The following DENND6A variants were observed in gnomAD, a reference collection of about 807,000 sequenced individuals.
DENND6A encodes the protein protein DENND6A.
DENND6A carries 43 observed loss-of-function variants against 95.5 expected under a neutral mutation model. The ratio of observed to expected loss-of-function variants is 0.45; its 90% CI spans 0.35 to 0.58. The LOEUF is 0.58. Ranked by LOEUF, DENND6A falls within the 20% of genes least tolerant of loss-of-function variation. The probability of loss-of-function intolerance (pLI) is 0.00; values close to 1 mark genes in which losing one functional copy is unlikely to be tolerated. For missense variants in DENND6A, 574 were observed against 736.0 expected (o/e 0.78, Z 2.55); for synonymous variants, 257 against 260.4 (o/e 0.99, Z 0.13).
Position 57,643,953 on chromosome 3 carries a change from A to C in DENND6A, c.1037+1708T>G, listed in dbSNP as rs146894871. 4.5e-3 allele frequency among the ~76,000 whole-genome samples: 683 copies of C among 151,942 alleles called. 7 individuals are homozygous for C. The highest frequency in any genetic ancestry group is 8.3e-3 in the Admixed American group (126 of 15,244). The stretch of plus-strand genomic sequence containing the variant: ...ATCACGAGGTCAGGAGTTCAAGACC[A>C]GTCTGGCCAATATAGTGAAACCCTG... On this transcript the variant is annotated intron_variant, in intron 11 of 19. Coordinates refer to ENST00000311128, the MANE Select transcript of DENND6A (RefSeq NM_152678.3).
At chr3:57,690,683 T>TA (rs2077255884) in intron 1 of DENND6A, among the ~76,000 whole-genome samples, 2 of 125,906 alleles carry the variant, frequency 1.6e-5, no homozygotes. Flanking sequence ...GACTCTGTCT[T>TA]TAAAAAAAAA....
At chr3:57,686,177 T>G (rs2077210237) in intron 1 of DENND6A, among the ~76,000 whole-genome samples, 1 of 152,190 alleles carries the variant, frequency 6.6e-6, no homozygotes, top group Admixed American at 6.5e-5. Context: ...TCAATAAGCA[T>G]TAACAGATAT....
chr3:57,638,444 G>A (rs1029885357), intron 12 of DENND6A, among the ~76,000 whole-genome samples: 1 of 151,744 alleles, frequency 6.6e-6, no homozygotes. Context: ...GATCACCTGA[G>A]GTCAGGAGTT....
chr3:57,667,803 C>T (rs556959263), intron 3 of DENND6A, among the ~76,000 whole-genome samples: 12 of 152,292 alleles, frequency 7.9e-5, no homozygotes, highest in African/African-American at 2.6e-4. Context: ...CAGTGGCTCA[C>T]GCCCGTAATC....
chr3:57,692,726 T>A, intron 1 of DENND6A, 56 bp downstream of exon 1: 6 of 1,374,336 alleles, frequency 4.4e-6, no homozygotes, highest in South Asian at 3.3e-5. Context: ...CTGGCTTTGC[T>A]GCAGCCGCCC....
chr3:57,685,011 T>C (rs982931620), intron 1 of DENND6A, among the ~76,000 whole-genome samples: 9 of 152,126 alleles, frequency 5.9e-5, no homozygotes, highest in African/African-American at 1.7e-4. Flanking sequence ...CCTCCCTGGT[T>C]CAAGTGATCC....
intron 11 of DENND6A, 70 bp downstream of exon 11, chr3:57,645,591 A>C: frequency 4.2e-6 from 5 of 1,181,070 alleles, no homozygotes; most frequent in Non-Finnish European, 6.0e-6. Context: ...AGCTTTTATT[A>C]CCAAAAATAA....
intron 3 of DENND6A, among the ~76,000 whole-genome samples, chr3:57,671,174 A>AT (rs1211846014): frequency 6.6e-6 from 1 of 152,182 alleles, no homozygotes; most frequent in Non-Finnish European, 1.5e-5. Context: ...GCTAAAAAAA[A>AT]TTTTGTTTAA....
rs1211247175 is a variant in DENND6A, at chr3:57,692,931, G to C, written c.88C>G (p.Pro30Ala). 1.9e-6 allele frequency: 3 copies of C among 1,561,578 alleles called. No homozygotes were observed. The highest frequency in any genetic ancestry group is 1.4e-5 in the African/African-American group (1 of 71,206). Residue 30 changes from proline (P) to alanine (A), a missense_variant, in exon 1 of 20, where the codon CCG (proline) becomes GCG (alanine). By Grantham distance (27) the Pro-to-Ala change is conservative. This residue lies in a region of DENND6A where 122 missense variants were observed against 105.1 expected (regional missense o/e 1.16). Coordinates refer to ENST00000311128, the MANE Select transcript of DENND6A (RefSeq NM_152678.3). ...GCGCCTCCCGCCGCCACAAGGGCCGGCGCCTCGCGGCCCTCGGCCCCTGCC... is the reference window on the plus strand; with the variant it reads ...GCGCCTCCCGCCGCCACAAGGGCCGCCGCCTCGCGGCCCTCGGCCCCTGCC... ...AVAGAEGREA[P>A]ALVAAGGAPE...
At position 57,692,929 on chromosome 3, in the gene DENND6A, C is replaced by T. The variant is rs1348886046; in HGVS notation, c.90G>A (p.Pro30=). 1.9e-6 allele frequency: 3 copies of T among 1,561,344 alleles called. No homozygotes were observed. Among genetic ancestry groups the T allele is most frequent in the Non-Finnish European group, 2.6e-6 (3 of 1,160,182 alleles). ...AVAGAEGREA[P]ALVAAGGAPE... Reference sequence around the variant, plus strand: ...GCGCGCCTCCCGCCGCCACAAGGGCCGGCGCCTCGCGGCCCTCGGCCCCTG... The same window carrying T: ...GCGCGCCTCCCGCCGCCACAAGGGCTGGCGCCTCGCGGCCCTCGGCCCCTG... Residue 30 remains proline, a synonymous_variant, in exon 1 of 20, where the codon CCG becomes CCA. Coordinates refer to ENST00000311128, the MANE Select transcript of DENND6A (RefSeq NM_152678.3).
chr3:57,627,843 C>T lies in DENND6A; in HGVS notation c.*371G>A, dbSNP rs2070566234. 1 of 170,238 alleles carries T rather than the reference C, an allele frequency of 5.9e-6. No homozygotes were observed. The highest frequency in any genetic ancestry group is 5.7e-5 in the Admixed American group (1 of 17,596). The allele number at this position is 170,238 out of a possible 1,614,324, so 10.5% of individuals were successfully genotyped here. The stretch of plus-strand genomic sequence containing the variant: ...AGTGTGAATGTTATTTTTATATCCC[C>T]CTGAGTTTTAACATGATTGGGCAAA... On this transcript the variant is annotated 3_prime_UTR_variant, in exon 20 of 20. Coordinates refer to ENST00000311128, the MANE Select transcript of DENND6A (RefSeq NM_152678.3).
chr3:57,677,400 T>C (rs999018274), intron 1 of DENND6A, among the ~76,000 whole-genome samples: 2 of 150,696 alleles, frequency 1.3e-5, no homozygotes, highest in East Asian at 1.9e-4. Context: ...TTATGCCAGT[T>C]TGGGCTAACT....
At chr3:57,684,305 A>G (rs1280469134) in intron 1 of DENND6A, among the ~76,000 whole-genome samples, 1 of 152,088 alleles carries the variant, frequency 6.6e-6, no homozygotes, top group Non-Finnish European at 1.5e-5. Context: ...TCTACTAAAA[A>G]TACAAAAATT....
At position 57,633,303 on chromosome 3, in the gene DENND6A, A is replaced by T; in HGVS notation, c.1315T>A (p.Tyr439Asn). 6.2e-7 allele frequency: 1 copy of T among 1,613,926 alleles called. No individual in the cohort carries two copies. Among genetic ancestry groups the T allele is most frequent in the South Asian group, 1.1e-5 (1 of 91,036 alleles). The change falls in exon 15 of 20, where the codon TAT (tyrosine) becomes AAT (asparagine). Residue 439 changes from tyrosine (Y) to asparagine (N), a missense_variant. This residue lies in a region of DENND6A where 452 missense variants were observed against 630.9 expected (regional missense o/e 0.72). Coordinates refer to ENST00000311128, the MANE Select transcript of DENND6A (RefSeq NM_152678.3). ...SEAQSVILRR[Y>N]FLELTQSFII... ...AAACTTTGTGTCAGTTCCAAAAAAT[A>T]GCGTCGAAGAATAACACTTTGAGCC...
Position 57,634,800 on chromosome 3 carries a change from T to A in DENND6A, c.1133-31A>T, listed in dbSNP as rs986180107. 4.0e-6 allele frequency: 6 copies of A among 1,501,796 alleles called. No individual in the cohort carries two copies. The African/African-American group carries it at 8.5e-5, about 21-fold the overall frequency. 93.0% of individuals were successfully genotyped at this position (1,501,796 alleles called of 1,614,324 possible). On this transcript the variant is annotated intron_variant, in intron 12 of 19. Coordinates refer to ENST00000311128, the MANE Select transcript of DENND6A (RefSeq NM_152678.3). ...GGAAGCAGCATAAAGATTTTTATAA[T>A]TATTCTAATCATACATATTACAAAA... is the stretch of plus-strand genomic sequence containing the variant.
chr3:57,648,866 T>G (rs1207101709), intron 9 of DENND6A, among the ~76,000 whole-genome samples: 2 of 152,124 alleles, frequency 1.3e-5, no homozygotes, highest in African/African-American at 2.4e-5. Context: ...AAAAACAAAC[T>G]CAAGATTAAT....
At chr3:57,647,563 A>G (rs960492133) in intron 9 of DENND6A, among the ~76,000 whole-genome samples, 4 of 152,208 alleles carry the variant, frequency 2.6e-5, no homozygotes, top group Non-Finnish European at 5.9e-5. Context: ...CACAGAGCCC[A>G]GGAAGCACAG....
intron 1 of DENND6A, 95 bp downstream of exon 1, chr3:57,692,687 A>T (rs1028781530): frequency 8.7e-6 from 10 of 1,153,284 alleles, no homozygotes; most frequent in South Asian, 1.9e-5. Flanking sequence ...CGCCGCGGAC[A>T]GGGTCCTGGC....
chr3:57,630,547 G>T (rs372647994), intron 17 of DENND6A, 24 bp from the exon 18 acceptor site: 26 of 1,575,150 alleles, frequency 1.7e-5, no homozygotes, highest in Non-Finnish European at 2.2e-5. Flanking sequence ...TTTTAAAAAA[G>T]TAAAGTTTGA....
Sources: allele counts gnomAD v4.1 joint callset (sites outside exome capture counted in the v4.1 genomes callset), GRCh38; gene constraint gnomAD v4.1.1; regional missense constraint gnomAD v4.1.1; transcripts MANE v1.5; gene names NCBI Gene and HGNC (gene_info 2026-07-23, HGNC 2026-07-21).